The following ITGA11 variants were observed in gnomAD, a reference collection of about 807,000 sequenced individuals.
The protein encoded by ITGA11 is integrin subunit alpha 11, also known as integrin alpha-11.
In ITGA11, 97 loss-of-function variants were observed where a neutral mutation model predicts 141.9. The ratio of observed to expected loss-of-function variants is 0.68; its 90% confidence interval spans 0.58 to 0.81. The LOEUF is 0.81. Among genes scored for constraint, ITGA11 ranks in the 30% least tolerant of loss-of-function variants. The pLI is 0.00. For synonymous variants in ITGA11, 658 were observed against 624.6 expected (o/e 1.05, Z -0.80); for missense variants, 1,387 against 1,559.2 (o/e 0.89, Z 1.86).
rs1410955385 is a variant in ITGA11 at position 68,348,821 on chromosome 15, A to G, written c.1131+9T>C. 9.3e-6 allele frequency: 15 copies of G among 1,605,028 alleles called. No homozygotes were observed. Reference sequence around the variant, plus strand: ...GGCTGGGCTCTGTGCCCGTACCTCCACCACATACCTCCACCACGTGCGAGG... The same window carrying G: ...GGCTGGGCTCTGTGCCCGTACCTCCGCCACATACCTCCACCACGTGCGAGG... On this transcript the variant is annotated intron_variant, in intron 10 of 29. Coordinates refer to ENST00000315757, the MANE Select transcript of ITGA11 (RefSeq NM_001004439.2).
intron 3 of ITGA11, chr15:68,365,348 C>T (rs1279482712): frequency 1.0e-6 from 1 of 986,758 alleles, no homozygotes; most frequent in East Asian, 1.1e-4. Context: ...CCAGGCCTTG[C>T]CCAGGAATGC....
At chr15:68,403,624 C>G (rs1236241611) in intron 1 of ITGA11, among the ~76,000 whole-genome samples, 1 of 151,712 alleles carries the variant, frequency 6.6e-6, no homozygotes, top group Non-Finnish European at 1.5e-5. Flanking sequence ...TTCTTTCTTT[C>G]TTTCTTTCTT....
rs1228702057 is a variant in ITGA11 at position 68,325,140 on chromosome 15, G to A, written c.2313C>T (p.Leu771=). ...PMLDDGWPTT[L]RVSVPFWNGC... is the part of the protein sequence containing the mutation. ...CTGTACCGAGATGTACCGAGACTCT[G>A]AGAGTGGTGGGCCAGCCGTCGTCCA... is the stretch of plus-strand genomic sequence containing the variant. The change falls in exon 18 of 30, where the codon CTC becomes CTT. Residue 771 remains leucine, a synonymous_variant. Coordinates refer to ENST00000315757, the MANE Select transcript of ITGA11 (RefSeq NM_001004439.2). This position sits in a 1 kb window ranked among gnomAD's most constrained non-coding sequence, Gnocchi z 5.5. 4 of 1,613,222 alleles carry A rather than the reference G, an allele frequency of 2.5e-6. No individual in the cohort carries two copies. The highest frequency in any genetic ancestry group is 2.7e-5 in the African/African-American group (2 of 74,904).
At position 68,297,552 on chromosome 15, in the gene ITGA11, T is replaced by A. The variant is rs1892937031; in HGVS notation, c.*5507A>T. On this transcript the variant is annotated 3_prime_UTR_variant, in exon 30 of 30. Transcript: ENST00000315757. ...AGGTTTTTCTTTTTAATGAAGGTCT[T>A]ACAACTATTTTCCTTTTATTACCAC... The A allele has an allele frequency of 6.6e-6, 1 of 151,674 alleles. No individual in the cohort carries two copies. Among genetic ancestry groups the A allele is most frequent in the African/African-American group, 2.4e-5 (1 of 41,342 alleles). The allele number at this position is 151,674 out of a possible 1,614,324, so 9.4% of individuals were successfully genotyped here. A position where few individuals can be genotyped will look rare whatever the true frequency, so the allele number is the denominator to read the frequency against.
chr15:68,303,354 T>A lies in ITGA11; in HGVS notation c.3496-224A>T, dbSNP rs1040307949. The stretch of plus-strand genomic sequence containing the variant: ...GAAGTCATACTAGTGCCCATCTTGC[T>A]GTGTGACCAGCCCCAGCCAACATCC... On this transcript the variant is annotated intron_variant, in intron 29 of 29. Coordinates refer to ENST00000315757, the MANE Select transcript of ITGA11 (RefSeq NM_001004439.2). The surrounding 1 kb of genome is among the most constrained non-coding windows in gnomAD (Gnocchi z 5.3). 6.6e-6 allele frequency among the ~76,000 whole-genome samples: 1 copy of A among 152,154 alleles called. No homozygotes were observed. Among genetic ancestry groups the A allele is most frequent in the Admixed American group, 6.5e-5 (1 of 15,284 alleles).
At chr15:68,336,622 G>A (rs1158553095) in intron 11 of ITGA11, among the ~76,000 whole-genome samples, 1 of 152,160 alleles carries the variant, frequency 6.6e-6, no homozygotes, top group African/African-American at 2.4e-5. Context: ...CCTGAAAGTG[G>A]GCTCCAGCAG....
chr15:68,346,237 C>T (rs1407831029), intron 10 of ITGA11, among the ~76,000 whole-genome samples: 1 of 152,126 alleles, frequency 6.6e-6, no homozygotes, highest in Non-Finnish European at 1.5e-5. Flanking sequence ...TGACCGAAGT[C>T]TTGTGCTGAG....
chr15:68,335,102 C>T lies in ITGA11; in HGVS notation c.1425+595G>A, dbSNP rs1280041067. ...TGGGGACAACATGGAAGGGCCTGGA[C>T]AGCACTCAGCTCTGGCCTAGAGAGG... is the stretch of plus-strand genomic sequence containing the variant. On this transcript the variant is annotated intron_variant, in intron 12 of 29. Transcript: ENST00000315757. The surrounding 1 kb of genome is among the most constrained non-coding windows in gnomAD (Gnocchi z 4.9). Among the ~76,000 whole-genome samples, 1 of 152,138 alleles carries T rather than the reference C, an allele frequency of 6.6e-6. No individual in the cohort carries two copies. Among genetic ancestry groups the T allele is most frequent in the African/African-American group, 2.4e-5 (1 of 41,428 alleles).
At chr15:68,352,351 C>G (rs1894941539) in intron 7 of ITGA11, among the ~76,000 whole-genome samples, 1 of 151,890 alleles carries the variant, frequency 6.6e-6, no homozygotes, top group African/African-American at 2.4e-5. Context: ...TGCCACCACG[C>G]TTGGTTAATT....
intron 10 of ITGA11, chr15:68,340,875 G>A (rs1410999036): frequency 6.6e-6 from 1 of 152,458 alleles, no homozygotes; most frequent in African/African-American, 2.4e-5. Context: ...CAAGGAAGGT[G>A]GTGGAAACAG....
intron 4 of ITGA11, 90 bp from the exon 5 acceptor site, chr15:68,361,794 G>A (rs1051052132): frequency 1.2e-6 from 1 of 817,088 alleles, no homozygotes; most frequent in Non-Finnish European, 2.0e-6. Flanking sequence ...CATCCTCCAC[G>A]ACCCAAGACA....
intron 2 of ITGA11, among the ~76,000 whole-genome samples, chr15:68,390,448 T>C (rs1896090040): frequency 6.6e-6 from 1 of 152,118 alleles, no homozygotes; most frequent in Admixed American, 6.5e-5. Context: ...TCTTTCTCAC[T>C]GGAATCTGTC....
chr15:68,328,305 A>T lies in ITGA11; in HGVS notation c.1902-43T>A, dbSNP rs1242155833. ...GTGAGCTGGGGTGGGGCAGGGGCTCAGGCTGCCCTGCTGTGACCATGGGGA... is the reference window on the plus strand; with the variant it reads ...GTGAGCTGGGGTGGGGCAGGGGCTCTGGCTGCCCTGCTGTGACCATGGGGA... On this transcript the variant is annotated intron_variant, in intron 15 of 29. Coordinates refer to ENST00000315757, the MANE Select transcript of ITGA11 (RefSeq NM_001004439.2). The surrounding 1 kb of genome is among the most constrained non-coding windows in gnomAD (Gnocchi z 4.8). 2 of 1,568,170 alleles carry T rather than the reference A, an allele frequency of 1.3e-6. No homozygotes were observed. Among genetic ancestry groups the T allele is most frequent in the East Asian group, 2.3e-5 (1 of 44,122 alleles).
intron 1 of ITGA11, among the ~76,000 whole-genome samples, chr15:68,422,681 T>G (rs551737725): frequency 3.7e-4 from 57 of 152,300 alleles, no homozygotes; most frequent in Non-Finnish European, 6.3e-4. Context: ...CTCAGCCCAC[T>G]GTTCTGTTCT....
At chr15:68,342,997 TTCTCTCTCTCTCTCTCTCTC>T (rs6145615) in intron 10 of ITGA11, among the ~76,000 whole-genome samples, 15 of 144,036 alleles carry the variant, frequency 1.0e-4, no homozygotes, top group Middle Eastern at 3.6e-3. Flanking sequence ...GGGCAAGTTC[TTCTCTCTCTCTCTCTCTCTC>T]TCTCTCTCTC....
chr15:68,377,294 CAG>C (rs1404591059), intron 2 of ITGA11, among the ~76,000 whole-genome samples: 2 of 152,034 alleles, frequency 1.3e-5, no homozygotes, highest in Non-Finnish European at 2.9e-5. Flanking sequence ...TTTTTTGAGA[CAG>C]AGTATCGCTC....
rs747311291 is a variant in ITGA11 at position 68,369,170 on chromosome 15, C to T, written c.265+14G>A. 6.3e-7 allele frequency: 1 copy of T among 1,596,192 alleles called. No individual in the cohort carries two copies. Among genetic ancestry groups the T allele is most frequent in the Non-Finnish European group, 8.6e-7 (1 of 1,163,728 alleles). On this transcript the variant is annotated intron_variant, in intron 3 of 29. Coordinates refer to ENST00000315757, the MANE Select transcript of ITGA11 (RefSeq NM_001004439.2). ...CGCTGGCCTCATTGTGAAGAGACCA[C>T]CAGCCCACGTTACCCAGGTTGAGTT...
chr15:68,424,750 G>A (rs922853215), intron 1 of ITGA11, among the ~76,000 whole-genome samples: 3 of 152,230 alleles, frequency 2.0e-5, no homozygotes, highest in African/African-American at 7.2e-5. Flanking sequence ...GCTGCCGAAA[G>A]GCCAGGAATT....
rs771579622 is a variant in ITGA11 at position 68,350,811 on chromosome 15, A to G, written c.895-29T>C. 5.0e-5 allele frequency: 80 copies of G among 1,598,630 alleles called. No homozygotes were observed. In the South Asian group the frequency reaches 6.2e-4, roughly 12 times the overall value. On this transcript the variant is annotated intron_variant, in intron 8 of 29. Coordinates refer to ENST00000315757, the MANE Select transcript of ITGA11 (RefSeq NM_001004439.2). Reference sequence around the variant, plus strand: ...CCAGGGAACAGGGGCAGGAACCACAAACCAGAACATAGCACAGACTTTCCC... The same window carrying G: ...CCAGGGAACAGGGGCAGGAACCACAGACCAGAACATAGCACAGACTTTCCC...
Sources: gnomAD v4.1 joint callset for allele counts (sites outside exome capture counted in the v4.1 genomes callset) on GRCh38, gnomAD v4.1.1 for gene constraint, Gnocchi (gnomAD v3.1) non-coding constraint, MANE v1.5 for transcripts, NCBI Gene and HGNC (gene_info 2026-07-23, HGNC 2026-07-21) for gene names.